VPS13C: variants seen among roughly 807,000 people sequenced by gnomAD.
VPS13C encodes the protein intermembrane lipid transfer protein VPS13C.
A neutral mutation model predicts 456.8 loss-of-function variants in VPS13C; 358 were observed. The ratio of observed to expected loss-of-function variants is 0.78; its 90% CI spans 0.72 to 0.86. The LOEUF (loss-of-function observed/expected upper bound fraction) is 0.86, where lower values mean the gene tolerates loss of function less well. Ranked by LOEUF, VPS13C falls within the 40% of genes least tolerant of loss-of-function variation. VPS13C has a pLI of 0.00. For missense variants in VPS13C, 4,818 were observed against 4,385.4 expected (o/e 1.10, Z -2.79); for synonymous variants, 1,578 against 1,486.7 (o/e 1.06, Z -1.41).
At chr15:61,956,031 T>C (rs1169876879) in intron 37 of VPS13C, among the ~76,000 whole-genome samples, 1 of 152,130 alleles carries the variant, frequency 6.6e-6, no homozygotes, top group African/African-American at 2.4e-5. Flanking sequence ...CCCTCACCTA[T>C]TCATCACTGC....
intron 1 of VPS13C, among the ~76,000 whole-genome samples, chr15:62,046,823 T>C (rs2048419014): frequency 6.6e-6 from 1 of 152,222 alleles, no homozygotes; most frequent in African/African-American, 2.4e-5. Flanking sequence ...AGATGTGAAA[T>C]GTTGAAAACT....
chr15:61,903,390 G>C lies in VPS13C; in HGVS notation c.9105+3874C>G, dbSNP rs118176904. Among the ~76,000 whole-genome samples the C allele has an allele frequency of 3.5e-3, 526 of 148,742 alleles. 3 individuals are homozygous for C. Among genetic ancestry groups the C allele is most frequent in the East Asian group, 0.018 (94 of 5,090 alleles). On this transcript the variant is annotated intron_variant, in intron 66 of 84. Transcript: ENST00000644861. ...TGCCAACAACAAACAAACTAAAAAA[G>C]AAATCAAGAAAGCAATACCATTTAC...
chr15:61,985,134 C>A (rs1011823840), intron 18 of VPS13C, 135 bp from the exon 19 acceptor site: 1 of 626,260 alleles, frequency 1.6e-6, no homozygotes, highest in African/African-American at 1.9e-5. Flanking sequence ...CATCCACATG[C>A]TCACCATAAA....
At chr15:61,922,358 T>A (rs1477489148) in intron 54 of VPS13C, 39 bp downstream of exon 54, 3 of 1,564,970 alleles carry the variant, frequency 1.9e-6, no homozygotes, top group Non-Finnish European at 2.6e-6. Context: ...AATCGCACTT[T>A]CAAGAAGTCT....
In VPS13C at chr15:61,932,753, G is replaced by A. The variant is rs139733531; in HGVS notation, c.5868+1466C>T. 6.5e-3 allele frequency among the ~76,000 whole-genome samples: 982 copies of A among 152,226 alleles called. 7 individuals are homozygous for A. Among genetic ancestry groups the A allele is most frequent in the Non-Finnish European group, 0.011 (718 of 68,012 alleles). On this transcript the variant is annotated intron_variant, in intron 49 of 84. Coordinates refer to ENST00000644861, the MANE Select transcript of VPS13C (RefSeq NM_020821.3). Reference sequence around the variant, plus strand: ...CAAGCTTTGAATGCTTTTAACTTATGAAAATGGAAATAATTCACAAACTTT... The same window carrying A: ...CAAGCTTTGAATGCTTTTAACTTATAAAAATGGAAATAATTCACAAACTTT...
intron 81 of VPS13C, chr15:61,866,763 T>G: frequency 1.0e-6 from 1 of 984,684 alleles, no homozygotes; most frequent in Middle Eastern, 5.2e-4. Flanking sequence ...GATGTCAGTC[T>G]TTCTTCTTTA....
chr15:61,925,312 G>T (rs893256454), intron 53 of VPS13C, 144 bp downstream of exon 53: 1 of 411,856 alleles, frequency 2.4e-6, no homozygotes, highest in Middle Eastern at 6.8e-4. Context: ...ATACTTTAAT[G>T]TTAGAAGTTA....
Position 61,947,461 on chromosome 15 carries a change from G to A in VPS13C, c.4760-152C>T, listed in dbSNP as rs1259268678. 11 of 511,136 alleles carry A rather than the reference G, an allele frequency of 2.2e-5. No individual in the cohort carries two copies. The African/African-American group carries it at 2.2e-4, about 10-fold the overall frequency. The allele number at this position is 511,136 out of a possible 1,614,324, so 31.7% of individuals were successfully genotyped here. The stretch of plus-strand genomic sequence containing the variant: ...ATAACATGTAATTAACATAAATTTT[G>A]GAATAATTATCAAATTCCAATCTAC... On this transcript the variant is annotated intron_variant, in intron 42 of 84. Transcript: ENST00000644861.
intron 66 of VPS13C, chr15:61,907,017 G>T: frequency 2.6e-6 from 1 of 386,236 alleles, no homozygotes. Context: ...TAATTAAAAA[G>T]GTGCTTTACA....
intron 1 of VPS13C, among the ~76,000 whole-genome samples, chr15:62,048,075 T>G (rs1235825326): frequency 6.6e-6 from 1 of 151,584 alleles, no homozygotes; most frequent in East Asian, 1.9e-4. Flanking sequence ...TTTGGTTTTT[T>G]TTTTTTTCAT....
rs145212991 is a variant in VPS13C, at chr15:61,886,920, T to C, written c.9342-2651A>G. 5.8e-3 allele frequency among the ~76,000 whole-genome samples: 889 copies of C among 152,268 alleles called. 7 individuals are homozygous for C. The highest frequency in any genetic ancestry group is 0.02 in the African/African-American group (851 of 41,562). On this transcript the variant is annotated intron_variant, in intron 67 of 84. Coordinates refer to ENST00000644861, the MANE Select transcript of VPS13C (RefSeq NM_020821.3). ...CAACTTAAAGGAGAACTTCCTCAAC[T>C]TGATAAAGAGCACCTACAAAAAACT...
intron 11 of VPS13C, 140 bp downstream of exon 11, chr15:62,012,899 G>C (rs1480406371): frequency 1.6e-5 from 8 of 511,608 alleles, no homozygotes; most frequent in South Asian, 1.3e-4. Flanking sequence ...GGATTTGAAA[G>C]GATGTTTTTC....
At chr15:61,925,279 A>G (rs2043810499) in intron 53 of VPS13C, among the ~76,000 whole-genome samples, 177 bp downstream of exon 53, 1 of 152,176 alleles carries the variant, frequency 6.6e-6, no homozygotes, top group South Asian at 2.1e-4. Flanking sequence ...AAATAGAAAC[A>G]AACATTTGCA....
chr15:61,983,178 C>G (rs546413596), intron 20 of VPS13C, among the ~76,000 whole-genome samples: 1 of 151,936 alleles, frequency 6.6e-6, no homozygotes, highest in Admixed American at 6.6e-5. Flanking sequence ...ATATGCTGTC[C>G]CCCCACCCAC....
intron 1 of VPS13C, among the ~76,000 whole-genome samples, chr15:62,051,008 T>C (rs2048600235): frequency 6.6e-6 from 1 of 151,164 alleles, no homozygotes; most frequent in African/African-American, 2.4e-5. Context: ...AAAAATCAAA[T>C]GGTACTAGCA....
In VPS13C at chr15:61,921,852, G is replaced by T. The variant is rs768513402; in HGVS notation, c.7062+95C>A. ...ACAGAGCCCTTAAAAGGGCTTCAAGGATCCTAGACCACATCTTAAGAATCA... is the reference window on the plus strand; with the variant it reads ...ACAGAGCCCTTAAAAGGGCTTCAAGTATCCTAGACCACATCTTAAGAATCA... On this transcript the variant is annotated intron_variant, in intron 55 of 84. Coordinates refer to ENST00000644861, the MANE Select transcript of VPS13C (RefSeq NM_020821.3). 3.3e-5 allele frequency: 42 copies of T among 1,283,366 alleles called. 1 individual carries two copies. Among genetic ancestry groups the T allele is most frequent in the Non-Finnish European group, 4.2e-5 (38 of 909,954 alleles). 79.5% of individuals were successfully genotyped at this position (1,283,366 alleles called of 1,614,324 possible).
intron 9 of VPS13C, among the ~76,000 whole-genome samples, chr15:62,018,056 T>G (rs1483374415): frequency 1.3e-5 from 2 of 152,208 alleles, no homozygotes; most frequent in Non-Finnish European, 2.9e-5. Context: ...CAATTGTGAA[T>G]GGGAGTTCAC....
In VPS13C at chr15:61,876,962, T is replaced by C. The variant is rs1488062639; in HGVS notation, c.10224+11A>G. ...GTATATTCCTTATGAAATACTATGATAGGAAATTACCTGTTCACTGTAATG... is the reference window on the plus strand; with the variant it reads ...GTATATTCCTTATGAAATACTATGACAGGAAATTACCTGTTCACTGTAATG... On this transcript the variant is annotated intron_variant, in intron 75 of 84. Coordinates refer to ENST00000644861, the MANE Select transcript of VPS13C (RefSeq NM_020821.3). 2.5e-6 allele frequency: 4 copies of C among 1,581,694 alleles called. No individual in the cohort carries two copies. Among genetic ancestry groups the C allele is most frequent in the Middle Eastern group, 1.7e-4 (1 of 5,958 alleles).
chr15:62,052,672 C>CAA (rs35444089), intron 1 of VPS13C, among the ~76,000 whole-genome samples: 4,409 of 70,056 alleles, frequency 0.063, 265 homozygotes, highest in African/African-American at 0.17. Flanking sequence ...GACTCCGTCT[C>CAA]AAAAAAAAAA....
Sources: allele counts gnomAD v4.1 joint callset (sites outside exome capture counted in the v4.1 genomes callset), GRCh38; gene constraint gnomAD v4.1.1; transcripts MANE v1.5; gene names NCBI Gene and HGNC (gene_info 2026-07-23, HGNC 2026-07-21).